Variants in DAB2IP observed in about 807,000 individuals in gnomAD.
The protein encoded by DAB2IP is DAB2 interacting protein.
In DAB2IP, 28 loss-of-function variants were observed where a neutral mutation model predicts 107.2. That is an observed-to-expected ratio of 0.26 (90% CI 0.19 to 0.36). The LOEUF (loss-of-function observed/expected upper bound fraction) is 0.36, where lower values mean the gene tolerates loss of function less well. DAB2IP is among the 10% of genes least tolerant of loss of function. The probability of loss-of-function intolerance (pLI) is 1.00; values close to 1 mark genes in which losing one functional copy is unlikely to be tolerated. For synonymous variants in DAB2IP, 755 were observed against 706.4 expected (o/e 1.07, Z -1.09); for missense variants, 1,400 against 1,644.7 (o/e 0.85, Z 2.57).
At chr9:121,594,701 G>A (rs1830491968) in intron 1 of DAB2IP, among the ~76,000 whole-genome samples, 1 of 152,194 alleles carries the variant, frequency 6.6e-6, no homozygotes, top group Non-Finnish European at 1.5e-5. Flanking sequence ...CCTGAGGCCA[G>A]GCCTCTTGCA....
chr9:121,618,268 G>C (rs1231299235), intron 1 of DAB2IP, among the ~76,000 whole-genome samples: 1 of 152,220 alleles, frequency 6.6e-6, no homozygotes. Flanking sequence ...GGAAATGAGG[G>C]TGCTGGCCCC....
intron 3 of DAB2IP, among the ~76,000 whole-genome samples, chr9:121,734,971 C>T (rs1341550215): frequency 3.9e-5 from 6 of 152,208 alleles, no homozygotes; most frequent in Non-Finnish European, 8.8e-5. Context: ...ATGCACTCTG[C>T]TTTCGCCTTC....
At chr9:121,603,031 GTGGTGAGGACCC>G (rs1830741530) in intron 1 of DAB2IP, among the ~76,000 whole-genome samples, 1 of 152,210 alleles carries the variant, frequency 6.6e-6, no homozygotes, top group African/African-American at 2.4e-5. Context: ...TTCACCCAGA[GTGGTGAGGACCC>G]TGGAGGGGTT....
chr9:121,716,284 G>A (rs1589570676), intron 3 of DAB2IP, among the ~76,000 whole-genome samples: 1 of 152,352 alleles, frequency 6.6e-6, no homozygotes, highest in East Asian at 1.9e-4. Flanking sequence ...AGGCCACACT[G>A]TGCCCATAGG....
intron 8 of DAB2IP, among the ~76,000 whole-genome samples, chr9:121,764,490 G>A (rs557457168): frequency 5.9e-5 from 9 of 152,348 alleles, no homozygotes; most frequent in Middle Eastern, 3.4e-3. Flanking sequence ...CCGACTTCAC[G>A]GCCACCAGCT....
intron 3 of DAB2IP, chr9:121,751,202 A>G (rs73664520): frequency 0.18 from 23,243 of 132,346 alleles, 4,011 homozygotes; most frequent in East Asian, 0.24. Flanking sequence ...CCTGCTGCCC[A>G]GCTGCTGTGG....
intron 3 of DAB2IP, among the ~76,000 whole-genome samples, chr9:121,740,153 G>A (rs1031011143): frequency 6.6e-6 from 1 of 152,142 alleles, no homozygotes; most frequent in Non-Finnish European, 1.5e-5. Flanking sequence ...GAGGAGGGGA[G>A]GGCCAGGGAG....
intron 1 of DAB2IP, among the ~76,000 whole-genome samples, chr9:121,675,709 G>A (rs1043074686): frequency 1.3e-5 from 2 of 152,194 alleles, no homozygotes; most frequent in African/African-American, 4.8e-5. Flanking sequence ...CCTTGGGCTG[G>A]TGACTGCACC....
At chr9:121,775,757 C>T (rs1835157418) in intron 13 of DAB2IP, among the ~76,000 whole-genome samples, 2 of 152,220 alleles carry the variant, frequency 1.3e-5, no homozygotes, top group Admixed American at 1.3e-4. Flanking sequence ...TCTTACCCTG[C>T]TAGTCAGTCG....
At position 121,651,605 on chromosome 9, in the gene DAB2IP, G is replaced by A. The variant is rs370669978; in HGVS notation, c.-171G>A. The A allele has an allele frequency of 3.0e-6, 3 of 1,006,256 alleles. No homozygotes were observed. Among genetic ancestry groups the A allele is most frequent in the Admixed American group, 5.5e-5 (1 of 18,140 alleles). The allele number at this position is 1,006,256 out of a possible 1,614,324, so 62.3% of individuals were successfully genotyped here. On this transcript the variant is annotated 5_prime_UTR_variant, in exon 1 of 16. Coordinates refer to ENST00000408936, the Ensembl canonical transcript of DAB2IP. The surrounding 1 kb of genome is among the most constrained non-coding windows in gnomAD (Gnocchi z 5.1). ...GGGCCGGCTGCTCGGGGAGCGGGAG[G>A]GGGCAGGAGGCGGAGGAGGAGTTTG...
At chr9:121,741,217 A>T (rs1383868531) in intron 3 of DAB2IP, among the ~76,000 whole-genome samples, 1 of 152,178 alleles carries the variant, frequency 6.6e-6, no homozygotes, top group Non-Finnish European at 1.5e-5. Context: ...AACCTTGGGG[A>T]TGCTTGCGGC....
chr9:121,601,886 TTGTGTG>T (rs141368984), intron 1 of DAB2IP, among the ~76,000 whole-genome samples: 45,189 of 151,102 alleles, frequency 0.3, 7,355 homozygotes, highest in African/African-American at 0.36. Context: ...ATACATGCCT[TTGTGTG>T]TGTGTGTGTG....
Position 121,702,358 on chromosome 9 carries a change from G to A in DAB2IP, c.362+2900G>A, listed in dbSNP as rs541424199. Among the ~76,000 whole-genome samples, 1 of 152,296 alleles carries A rather than the reference G, an allele frequency of 6.6e-6. No homozygotes were observed. The highest frequency in any genetic ancestry group is 2.1e-4 in the South Asian group (1 of 4,826). The stretch of plus-strand genomic sequence containing the variant: ...AGGGTTGCTATCTGGTTGTGAGGCT[G>A]GGGTCAGGCCAGGCAGTGCTTGGTT... On this transcript the variant is annotated intron_variant, in intron 3 of 15. Transcript: ENST00000408936. This position sits in a 1 kb window ranked among gnomAD's most constrained non-coding sequence, Gnocchi z 4.5.
At chr9:121,769,582 G>A (rs1587993408) in intron 10 of DAB2IP, among the ~76,000 whole-genome samples, 1 of 152,114 alleles carries the variant, frequency 6.6e-6, no homozygotes, top group East Asian at 1.9e-4. Context: ...ACTTAGGTTA[G>A]TCCTGACTTT....
At chr9:121,675,912 C>G (rs1468069646) in intron 1 of DAB2IP, among the ~76,000 whole-genome samples, 3 of 152,188 alleles carry the variant, frequency 2.0e-5, no homozygotes, top group Non-Finnish European at 2.9e-5. Flanking sequence ...ATTTTCCTAG[C>G]AAAACCTCCA....
chr9:121,717,246 T>C (rs1244135556), intron 3 of DAB2IP, among the ~76,000 whole-genome samples: 2 of 152,216 alleles, frequency 1.3e-5, no homozygotes, highest in Non-Finnish European at 2.9e-5. Flanking sequence ...AATTCTGGAC[T>C]CTGAGTGGCT....
chr9:121,567,341 C>T (rs1829828384), intron 1 of DAB2IP: 1 of 1,508,118 alleles, frequency 6.6e-7, no homozygotes, highest in African/African-American at 1.4e-5. Flanking sequence ...GGCATCTGGG[C>T]ACTGTCTGGT....
Position 121,579,287 on chromosome 9 carries a change from A to T in DAB2IP, c.40+12059A>T, listed in dbSNP as rs191412590. Among the ~76,000 whole-genome samples the T allele has an allele frequency of 4.9e-3, 742 of 151,856 alleles. 4 individuals carry two copies. The highest frequency in any genetic ancestry group is 0.014 in the Middle Eastern group (4 of 294). On this transcript the variant is annotated intron_variant, in intron 1 of 16. Coordinates refer to the DAB2IP transcript ENST00000259371. ...CTCAGTTGATCTTGGCTGTAGTTATAATCATTTGTGTTTGCCATTGCTTGA... is the reference window on the plus strand; with the variant it reads ...CTCAGTTGATCTTGGCTGTAGTTATTATCATTTGTGTTTGCCATTGCTTGA...
intron 2 of DAB2IP, 150 bp downstream of exon 2, chr9:121,678,931 C>T (rs1195490239): frequency 4.3e-6 from 3 of 697,586 alleles, no homozygotes; most frequent in Non-Finnish European, 6.4e-6. Flanking sequence ...TCCGATCCCT[C>T]AGCTGCTCCC....
Sources: gnomAD v4.1 joint callset for allele counts (sites outside exome capture counted in the v4.1 genomes callset) on GRCh38, gnomAD v4.1.1 for gene constraint, Gnocchi (gnomAD v3.1) non-coding constraint, MANE v1.5 for transcripts, NCBI Gene and HGNC (gene_info 2026-07-23, HGNC 2026-07-21) for gene names.